RAE1: variants seen among roughly 807,000 people sequenced by gnomAD.
RAE1 encodes the protein mRNA export factor RAE1.
In RAE1, 13 loss-of-function variants were observed where a neutral mutation model predicts 52.7. That is an observed-to-expected ratio of 0.25 (90% CI 0.16 to 0.39). The LOEUF is 0.39. Among genes scored for constraint, RAE1 ranks in the 10% least tolerant of loss-of-function variants. The pLI is 1.00. For missense variants in RAE1, 262 were observed against 459.8 expected, an observed-to-expected ratio of 0.57 and a Z score of 3.93; for synonymous variants, 164 against 153.1, an observed-to-expected ratio of 1.07 and a Z score of -0.52.
At chr20:57,355,799 A>G (rs2066776709) in intron 3 of RAE1, among the ~76,000 whole-genome samples, 1 of 152,206 alleles carries the variant, frequency 6.6e-6, no homozygotes, top group Non-Finnish European at 1.5e-5. Context: ...GATGGTAGTC[A>G]AGGTTGAGCA....
chr20:57,360,877 A>G (rs2066881887), intron 4 of RAE1, among the ~76,000 whole-genome samples: 1 of 152,184 alleles, frequency 6.6e-6, no homozygotes, highest in African/African-American at 2.4e-5. Context: ...TGCATGCTTG[A>G]TACCTGCTCC....
At chr20:57,359,035 G>A (rs565877081) in intron 4 of RAE1, 2 of 1,514,682 alleles carry the variant, frequency 1.3e-6, no homozygotes, top group East Asian at 5.0e-5. Context: ...CCTTCGTGTG[G>A]CCATTCATTC....
At chr20:57,373,619 CTTT>C in intron 9 of RAE1, 38 bp downstream of exon 9, 1 of 1,613,262 alleles carries the variant, frequency 6.2e-7, no homozygotes, top group Non-Finnish European at 8.5e-7. Flanking sequence ...TTTCACTGGA[CTTT>C]TTTTAACAAA....
chr20:57,365,292 A>T, intron 4 of RAE1, 64 bp from the exon 5 acceptor site: 1 of 1,199,364 alleles, frequency 8.3e-7, no homozygotes, highest in Admixed American at 2.1e-5. Flanking sequence ...GTAGTATCTA[A>T]ATATATATAT....
intron 8 of RAE1, among the ~76,000 whole-genome samples, chr20:57,369,513 T>C (rs1016364596): frequency 6.6e-6 from 1 of 152,238 alleles, no homozygotes; most frequent in African/African-American, 2.4e-5. Context: ...CCACCAAAGA[T>C]AGCTTTTCAG....
chr20:57,367,261 C>G (rs901821356), intron 7 of RAE1, among the ~76,000 whole-genome samples, 182 bp downstream of exon 7: 3 of 152,054 alleles, frequency 2.0e-5, no homozygotes, highest in African/African-American at 7.2e-5. Flanking sequence ...TTTTGTGCTG[C>G]GTTTCTTTTA....
At chr20:57,359,068 T>A in intron 4 of RAE1, 4 of 1,464,282 alleles carry the variant, frequency 2.7e-6, no homozygotes, top group Non-Finnish European at 3.6e-6. Context: ...AGAGAACAAG[T>A]GATTATGCTA....
chr20:57,358,783 G>T (rs2066840265), intron 4 of RAE1: 1 of 404,452 alleles, frequency 2.5e-6, no homozygotes. Flanking sequence ...TTATTGGGTC[G>T]ATGTGTAATA....
At chr20:57,357,472 T>C (rs980931972) in intron 4 of RAE1, 2 of 152,328 alleles carry the variant, frequency 1.3e-5, no homozygotes, top group Middle Eastern at 3.4e-3. Context: ...CATTGAGATA[T>C]AGCATCTGCA....
chr20:57,356,108 A>G (rs2066782406), intron 3 of RAE1, among the ~76,000 whole-genome samples: 1 of 152,224 alleles, frequency 6.6e-6, no homozygotes, highest in South Asian at 2.1e-4. Context: ...GATTATATAA[A>G]GTATTCAGAA....
At position 57,378,425 on chromosome 20, in the gene RAE1, T is replaced by C. The variant is rs1317024104; in HGVS notation, c.*326T>C. 2.0e-5 allele frequency: 5 copies of C among 254,258 alleles called. No individual in the cohort carries two copies. The East Asian group carries it at 3.8e-4, about 19-fold the overall frequency. The allele number at this position is 254,258 out of a possible 1,614,324, so 15.8% of individuals were successfully genotyped here. ...GGAAAAGCGTCTGTGAGCCCCGTGC[T>C]GTATTTTGTAATAAAGTCTTTTGCA... On this transcript the variant is annotated 3_prime_UTR_variant, in exon 12 of 12. Coordinates refer to ENST00000395841, the MANE Select transcript of RAE1 (RefSeq NM_003610.4).
chr20:57,377,804 T>C (rs569202932), intron 11 of RAE1, among the ~76,000 whole-genome samples: 12 of 152,274 alleles, frequency 7.9e-5, no homozygotes, highest in South Asian at 2.1e-4. Flanking sequence ...AGTAGGACAT[T>C]GATGACACAC....
Position 57,354,810 on chromosome 20 carries a change from T to C in RAE1, c.189T>C (p.Ala63=), listed in dbSNP as rs751539815. The change falls in exon 3 of 12, where the codon GCT becomes GCC. Residue 63 remains alanine (A), a synonymous_variant. Coordinates refer to ENST00000395841, the MANE Select transcript of RAE1 (RefSeq NM_003610.4). ...PGNFLIAGSW[A]NDVRCWEVQD... ...ACTTTCTTATTGCAGGATCATGGGC[T>C]AATGATGTAAGTGCTCCTTAAATAC... 1.5e-5 allele frequency: 24 copies of C among 1,595,042 alleles called. No individual in the cohort carries two copies. Among genetic ancestry groups the C allele is most frequent in the Non-Finnish European group, 2.0e-5 (24 of 1,171,036 alleles).
At chr20:57,375,296 G>T (rs180864687) in intron 11 of RAE1, among the ~76,000 whole-genome samples, 21 of 152,112 alleles carry the variant, frequency 1.4e-4, no homozygotes, top group Non-Finnish European at 1.0e-4. Context: ...ACCAGCCTGC[G>T]TGTTTCTCCA....
At position 57,367,065 on chromosome 20, in the gene RAE1, T is replaced by C; in HGVS notation, c.520T>C (p.Tyr174His). The C allele has an allele frequency of 1.2e-6, 2 of 1,600,020 alleles. No individual in the cohort carries two copies. Among genetic ancestry groups the C allele is most frequent in the South Asian group, 1.1e-5 (1 of 90,750 alleles). ...GGTTTTGCAACTCCCTGAAAGGTGT[T>C]ACTGTGCTGACGTGGTAAGGGATTT... ...MMVLQLPERC[Y>H]CADVIYPMAV... is the part of the protein sequence containing the mutation. Residue 174 changes from tyrosine (Y) to histidine (H), a missense_variant, in exon 7 of 12, where the codon TAC becomes CAC. By Grantham distance (83) the Tyr-to-His change is moderately conservative. Coordinates refer to ENST00000395841, the MANE Select transcript of RAE1 (RefSeq NM_003610.4).
intron 11 of RAE1, among the ~76,000 whole-genome samples, chr20:57,377,034 T>G (rs2146185271): frequency 6.6e-6 from 1 of 152,340 alleles, no homozygotes; most frequent in East Asian, 1.9e-4. Context: ...TCAAGGACAG[T>G]TATCTCCAGT....
intron 4 of RAE1, chr20:57,359,099 C>T: frequency 8.0e-7 from 1 of 1,254,566 alleles, no homozygotes; most frequent in Non-Finnish European, 1.1e-6. Context: ...GTCAGGATAC[C>T]ACAGCTGTTG....
At chr20:57,366,177 G>T (rs573416038) in intron 5 of RAE1, among the ~76,000 whole-genome samples, 2 of 152,038 alleles carry the variant, frequency 1.3e-5, no homozygotes, top group Admixed American at 6.5e-5. Context: ...ACTTTCACTC[G>T]CACATATGTC....
chr20:57,376,791 A>G (rs891353846), intron 11 of RAE1, among the ~76,000 whole-genome samples: 14 of 152,214 alleles, frequency 9.2e-5, no homozygotes, highest in African/African-American at 2.9e-4. Context: ...CAGCTGCATC[A>G]AAATTCTGCA....
Sources: allele counts gnomAD v4.1 joint callset (sites outside exome capture counted in the v4.1 genomes callset), GRCh38; gene constraint gnomAD v4.1.1; transcripts MANE v1.5; gene names NCBI Gene and HGNC (gene_info 2026-07-23, HGNC 2026-07-21).